The following KMT2E variants were observed in gnomAD, a reference collection of about 807,000 sequenced individuals.
KMT2E encodes lysine methyltransferase 2E (inactive).
Under a neutral mutation model 184.6 loss-of-function variants are expected in KMT2E, and 30 were observed. The observed-to-expected ratio is 0.16, with a 90% CI of 0.12 to 0.22. KMT2E has a LOEUF of 0.22. KMT2E is among the 10% of genes least tolerant of loss of function. The pLI is 1.00. For synonymous variants in KMT2E, 815 were observed against 776.5 expected (o/e 1.05, Z -0.82); for missense variants, 2,023 against 2,237.4 (o/e 0.90, Z 1.93).
chr7:105,027,281 G>T (rs924600538), intron 1 of KMT2E, among the ~76,000 whole-genome samples: 1 of 151,556 alleles, frequency 6.6e-6, no homozygotes, highest in Admixed American at 6.6e-5. Flanking sequence ...TAGAGATAGG[G>T]TCTCACTAAA....
chr7:105,064,057 C>G (rs1160534695), intron 5 of KMT2E: 1 of 451,444 alleles, frequency 2.2e-6, no homozygotes, highest in Non-Finnish European at 4.5e-6. Flanking sequence ...ACCAGAACCA[C>G]AGTCTCCCCT....
intron 3 of KMT2E, among the ~76,000 whole-genome samples, chr7:105,061,322 A>T (rs1796804078): frequency 6.6e-6 from 1 of 152,250 alleles, no homozygotes; most frequent in South Asian, 2.1e-4. Context: ...GATTGTCATG[A>T]AAAATTTTTC....
intron 15 of KMT2E, among the ~76,000 whole-genome samples, chr7:105,093,252 G>C (rs532580249): frequency 6.6e-6 from 1 of 152,056 alleles, no homozygotes; most frequent in Non-Finnish European, 1.5e-5. Context: ...TTCTTTGCCC[G>C]TAAATACAGT....
intron 13 of KMT2E, among the ~76,000 whole-genome samples, chr7:105,088,548 G>T (rs756388497): frequency 6.6e-6 from 1 of 152,204 alleles, no homozygotes; most frequent in Non-Finnish European, 1.5e-5. Flanking sequence ...CAAAGTGGGA[G>T]ATTTGTATTA....
chr7:105,111,558 T>C (rs532024971), intron 26 of KMT2E, among the ~76,000 whole-genome samples: 1 of 152,062 alleles, frequency 6.6e-6, no homozygotes, highest in East Asian at 1.9e-4. Context: ...AAAGGCAGAG[T>C]AAAGTGAAAG....
chr7:105,091,718 A>C lies in KMT2E; in HGVS notation c.1722+404A>C. ...TAGCACCAAATAAATTGCTTATGCA[A>C]AAAAAAAAAAAAACCTACCACTGGT... On this transcript the variant is annotated intron_variant, in intron 15 of 26. Coordinates refer to ENST00000311117, the MANE Select transcript of KMT2E (RefSeq NM_182931.3). 8 of 185,968 alleles carry C rather than the reference A, an allele frequency of 4.3e-5. No homozygotes were observed. The East Asian group carries it at 1.0e-3, about 24-fold the overall frequency. The allele number at this position is 185,968 out of a possible 1,614,324, so 11.5% of individuals were successfully genotyped here. A position where few individuals can be genotyped will look rare whatever the true frequency, so the allele number is the denominator to read the frequency against.
Position 105,102,094 on chromosome 7 carries a change from C to A in KMT2E, c.2096C>A (p.Thr699Lys), listed in dbSNP as rs776425763. The change falls in exon 17 of 27, where the codon ACA (threonine) becomes AAA (lysine). Residue 699 changes from threonine to lysine, a missense_variant. Physicochemically the swap from Thr to Lys is moderately conservative, Grantham distance 78. Coordinates refer to ENST00000311117, the MANE Select transcript of KMT2E (RefSeq NM_182931.3). Reference protein sequence around the residue: ...QQNDIENTVLTIEPETETALA... With the variant: ...QQNDIENTVLKIEPETETALA... ...AATGATATTGAAAATACTGTACTTACAATAGAACCAGAAACTGAAACTGCA... is the reference window on the plus strand; with the variant it reads ...AATGATATTGAAAATACTGTACTTAAAATAGAACCAGAAACTGAAACTGCA... The A allele has an allele frequency of 3.7e-6, 6 of 1,613,352 alleles. No homozygotes were observed. Among genetic ancestry groups the A allele is most frequent in the Admixed American group, 1.7e-5 (1 of 59,950 alleles).
At chr7:105,086,503 T>C (rs1292693232) in intron 13 of KMT2E, among the ~76,000 whole-genome samples, 2 of 152,046 alleles carry the variant, frequency 1.3e-5, no homozygotes, top group African/African-American at 4.8e-5. Flanking sequence ...GGTGGGCGGA[T>C]CACTTGAGGT....
intron 3 of KMT2E, among the ~76,000 whole-genome samples, chr7:105,046,900 A>G (rs1018122696): frequency 6.6e-6 from 1 of 152,218 alleles, no homozygotes; most frequent in African/African-American, 2.4e-5. Context: ...TGATCCCAAG[A>G]CCGTCCACAG....
intron 14 of KMT2E, 64 bp downstream of exon 14, chr7:105,090,337 CTCT>C: frequency 6.6e-7 from 1 of 1,513,524 alleles, no homozygotes; most frequent in Non-Finnish European, 8.9e-7. Flanking sequence ...ATATTTTATC[CTCT>C]TCTTTGTTCT....
intron 3 of KMT2E, among the ~76,000 whole-genome samples, chr7:105,047,712 C>G (rs1359835550): frequency 6.6e-6 from 1 of 152,174 alleles, no homozygotes; most frequent in Non-Finnish European, 1.5e-5. Flanking sequence ...GTTATCAGAA[C>G]TAGGGTGATA....
Position 105,077,392 on chromosome 7 carries a change from G to A in KMT2E, c.1089G>A (p.Met363Ile). 1 of 1,610,348 alleles carries A rather than the reference G, an allele frequency of 6.2e-7. No individual in the cohort carries two copies. Among genetic ancestry groups the A allele is most frequent in the South Asian group, 1.1e-5 (1 of 90,866 alleles). The part of the protein sequence containing the change: ...ALIIEYRGKF[M>I]LREQFEANGY... ...TCATTGAATACAGAGGGAAGTTTAT[G>A]CTGAGAGAACAGTTTGAAGCAAATG... is the stretch of plus-strand genomic sequence containing the variant. The change falls in exon 11 of 27, where the codon ATG becomes ATA. Residue 363 changes from methionine (M) to isoleucine (I), a missense_variant. By Grantham distance (10) the Met-to-Ile change is conservative. Coordinates refer to ENST00000311117, the MANE Select transcript of KMT2E (RefSeq NM_182931.3).
Position 105,062,291 on chromosome 7 carries a change from CA to C in KMT2E, c.186+14del. 1 of 1,542,014 alleles carries C rather than the reference CA, an allele frequency of 6.5e-7. No homozygotes were observed. The highest frequency in any genetic ancestry group is 8.9e-7 in the Non-Finnish European group (1 of 1,121,262). ...TTTGCCCTATGCGGTAAGTGTTAAA[CA>C]CTTCTTTGAAAAAACATTTTTAAAT... On this transcript the variant is annotated intron_variant, in intron 4 of 26. Coordinates refer to ENST00000311117, the MANE Select transcript of KMT2E (RefSeq NM_182931.3).
chr7:105,031,684 G>A (rs1340999381), intron 1 of KMT2E, among the ~76,000 whole-genome samples: 5 of 151,828 alleles, frequency 3.3e-5, no homozygotes, highest in Non-Finnish European at 5.9e-5. Flanking sequence ...CATGGGAGGC[G>A]GAGGTTGCAG....
chr7:105,030,889 A>G (rs971111597), intron 1 of KMT2E, among the ~76,000 whole-genome samples: 4 of 152,222 alleles, frequency 2.6e-5, no homozygotes, highest in Non-Finnish European at 1.5e-5. Context: ...GTATCATCAG[A>G]AAGATTTGTT....
intron 17 of KMT2E, chr7:105,102,741 C>G (rs1798707868): frequency 6.5e-6 from 1 of 153,678 alleles, no homozygotes; most frequent in Admixed American, 6.5e-5. Context: ...TTGTCTCCCA[C>G]TCTGACTGGA....
At chr7:105,050,638 CTTTTCT>C (rs1293804724) in intron 3 of KMT2E, among the ~76,000 whole-genome samples, 1 of 150,260 alleles carries the variant, frequency 6.7e-6, no homozygotes, top group African/African-American at 2.4e-5. Context: ...TTTCTTTTCT[CTTTTCT>C]TTTTTCTTTC....
intron 1 of KMT2E, among the ~76,000 whole-genome samples, chr7:105,024,182 TTAAGA>T (rs1404244626): frequency 3.3e-5 from 5 of 152,144 alleles, no homozygotes; most frequent in Admixed American, 2.0e-4. Context: ...TCTGAGAAAA[TTAAGA>T]TAATCATATT....
At chr7:105,094,027 C>T (rs1304253425) in intron 15 of KMT2E, among the ~76,000 whole-genome samples, 1 of 152,084 alleles carries the variant, frequency 6.6e-6, no homozygotes, top group African/African-American at 2.4e-5. Context: ...ACAATTGTTA[C>T]TTCTAATTAG....
Sources: gnomAD v4.1 joint callset for allele counts (sites outside exome capture counted in the v4.1 genomes callset) on GRCh38, gnomAD v4.1.1 for gene constraint, MANE v1.5 for transcripts, NCBI Gene and HGNC (gene_info 2026-07-23, HGNC 2026-07-21) for gene names.